Variants in PPP2R5C observed in about 807,000 individuals in gnomAD.
PPP2R5C encodes serine/threonine-protein phosphatase 2A 56 kDa regulatory subunit gamma isoform.
A neutral mutation model predicts 68.9 loss-of-function variants in PPP2R5C; 7 were observed. The ratio of observed to expected loss-of-function variants is 0.10; its 90% CI spans 0.06 to 0.19. PPP2R5C has a LOEUF of 0.19. Among genes scored for constraint, PPP2R5C ranks in the 10% least tolerant of loss-of-function variants. The pLI is 1.00. For missense variants in PPP2R5C, 348 were observed against 641.3 expected, an observed-to-expected ratio of 0.54 and a Z score of 4.94; for synonymous variants, 210 against 222.2, an observed-to-expected ratio of 0.95 and a Z score of 0.49.
chr14:101,842,084 A>G (rs1308264795), intron 1 of PPP2R5C, among the ~76,000 whole-genome samples: 1 of 152,152 alleles, frequency 6.6e-6, no homozygotes, highest in Admixed American at 6.5e-5. Flanking sequence ...GCGCAGACTT[A>G]TGGGTAGAGA....
intron 1 of PPP2R5C, among the ~76,000 whole-genome samples, chr14:101,812,321 G>T (rs551792668): frequency 3.3e-5 from 5 of 152,182 alleles, no homozygotes; most frequent in African/African-American, 1.2e-4. Flanking sequence ...ACACCGGCAG[G>T]GTGCCCGGGA....
At chr14:101,823,333 G>A (rs530446414) in intron 1 of PPP2R5C, among the ~76,000 whole-genome samples, 23 of 152,226 alleles carry the variant, frequency 1.5e-4, no homozygotes, top group Admixed American at 1.2e-3. Context: ...AGCATCAGCC[G>A]CCAATGTTTG....
intron 2 of PPP2R5C, among the ~76,000 whole-genome samples, chr14:101,872,693 C>T (rs2043506097): frequency 6.6e-6 from 1 of 152,168 alleles, no homozygotes; most frequent in Non-Finnish European, 1.5e-5. Flanking sequence ...TACCCTTTCC[C>T]CCTCTGGGAG....
At chr14:101,852,369 A>G (rs912870376) in intron 1 of PPP2R5C, among the ~76,000 whole-genome samples, 2 of 151,964 alleles carry the variant, frequency 1.3e-5, no homozygotes, top group African/African-American at 2.4e-5. Flanking sequence ...TTTGTTAAAC[A>G]TCTCTATTTA....
chr14:101,857,074 A>C (rs1320041494), intron 2 of PPP2R5C, among the ~76,000 whole-genome samples, 189 bp downstream of exon 4: 1 of 152,346 alleles, frequency 6.6e-6, no homozygotes, highest in South Asian at 2.1e-4. Flanking sequence ...AAGGGAAGTC[A>C]GTTGTCTTCT....
chr14:101,870,282 C>T (rs950113717), intron 2 of PPP2R5C, among the ~76,000 whole-genome samples: 15 of 152,136 alleles, frequency 9.9e-5, no homozygotes, highest in African/African-American at 3.6e-4. Context: ...GTCTGCCAAA[C>T]CTAAGCTCAC....
chr14:101,883,077 A>C (rs2044260683), intron 3 of PPP2R5C, 180 bp from the exon 6 acceptor site: 8 of 569,280 alleles, frequency 1.4e-5, no homozygotes, highest in Non-Finnish European at 2.4e-5. Flanking sequence ...TCACCAAATA[A>C]AATAATTACC....
At chr14:101,827,015 GC>G (rs2040443015) in intron 1 of PPP2R5C, among the ~76,000 whole-genome samples, 1 of 122,084 alleles carries the variant, frequency 8.2e-6, no homozygotes, top group African/African-American at 3.2e-5. Context: ...TTGCTCTGTC[GC>G]CCAGGCTGGA....
At chr14:101,880,486 A>G (rs1018679419) in intron 2 of PPP2R5C, among the ~76,000 whole-genome samples, 3 of 152,210 alleles carry the variant, frequency 2.0e-5, no homozygotes, top group African/African-American at 7.2e-5. Flanking sequence ...GGAGTTCAGT[A>G]TCAATACCAG....
chr14:101,868,781 A>T (rs934328755), intron 2 of PPP2R5C, among the ~76,000 whole-genome samples: 2 of 152,180 alleles, frequency 1.3e-5, no homozygotes, highest in African/African-American at 4.8e-5. Context: ...AACTTTTTTT[A>T]AATTAATTTT....
upstream of PPP2R5C, among the ~76,000 whole-genome samples, chr14:101,760,897 TCGAGGGGAAGGGCTGGC>T (rs1373217262): frequency 2.0e-5 from 1 of 50,646 alleles, no homozygotes; most frequent in Admixed American, 2.0e-4. Context: ...GAGGGGTTGG[TCGAGGGGAAGGGCTGGC>T]CGAGGGGAGG....
At chr14:101,873,568 C>CTTT (rs2043559861) in intron 2 of PPP2R5C, among the ~76,000 whole-genome samples, 2 of 152,116 alleles carry the variant, frequency 1.3e-5, no homozygotes, top group Non-Finnish European at 2.9e-5. Context: ...GACACTGTTC[C>CTTT]CAGCCCCGAA....
chr14:101,776,771 T>A (rs750318096), intron 2 of PPP2R5C, among the ~76,000 whole-genome samples: 2 of 152,212 alleles, frequency 1.3e-5, no homozygotes, highest in Non-Finnish European at 2.9e-5. Flanking sequence ...TTCTGAATAG[T>A]TCATAGAAAT....
At chr14:101,761,852 C>CGGCGGCAGG (rs2036557795), upstream of PPP2R5C, 1 of 1,051,010 alleles carries the variant, frequency 9.5e-7, no homozygotes, top group South Asian at 4.5e-5. Context: ...CGGGGGCAGG[C>CGGCGGCAGG]GGCGGCAGGG....
chr14:101,872,443 G>C (rs575252043), intron 2 of PPP2R5C, among the ~76,000 whole-genome samples: 12 of 152,042 alleles, frequency 7.9e-5, no homozygotes, highest in African/African-American at 2.9e-4. Context: ...TCACTAGGTT[G>C]CCTAAGCTGG....
intron 1 of PPP2R5C, among the ~76,000 whole-genome samples, chr14:101,850,538 C>G (rs780432687): frequency 3.3e-5 from 5 of 152,114 alleles, no homozygotes; most frequent in Non-Finnish European, 7.4e-5. Flanking sequence ...CTCAATCCTG[C>G]CAAATTCTTA....
chr14:101,794,768 G>A (rs1175055340), intron 3 of PPP2R5C, among the ~76,000 whole-genome samples: 1 of 152,080 alleles, frequency 6.6e-6, no homozygotes, highest in Non-Finnish European at 1.5e-5. Flanking sequence ...TTCTTCCATT[G>A]TGTCTTCTAG....
chr14:101,815,542 C>T (rs966559378), intron 1 of PPP2R5C, among the ~76,000 whole-genome samples: 9 of 152,270 alleles, frequency 5.9e-5, no homozygotes, highest in East Asian at 3.9e-4. Context: ...AGGAGTATCC[C>T]GAGGACAGTC....
chr14:101,784,597 C>T (rs2038000305), intron 2 of PPP2R5C, among the ~76,000 whole-genome samples: 1 of 152,262 alleles, frequency 6.6e-6, no homozygotes, highest in East Asian at 1.9e-4. Context: ...GGGGAAACTG[C>T]CCCCACAATC....
Sources: allele counts gnomAD v4.1 joint callset (sites outside exome capture counted in the v4.1 genomes callset), GRCh38; gene constraint gnomAD v4.1.1; transcripts MANE v1.5; gene names NCBI Gene and HGNC (gene_info 2026-07-23, HGNC 2026-07-21).